The following SYT9 variants were observed in gnomAD, a reference collection of about 807,000 sequenced individuals.
SYT9 encodes the protein synaptotagmin 9, also known as synaptotagmin-9.
Under a neutral mutation model 48.4 loss-of-function variants are expected in SYT9, and 22 were observed. That is an observed-to-expected ratio of 0.45 (90% CI 0.32 to 0.65). SYT9 has a LOEUF of 0.65. SYT9 is among the 30% of genes least tolerant of loss of function. SYT9 has a pLI of 0.03. For synonymous variants in SYT9, 265 were observed against 245.0 expected (o/e 1.08, Z -0.76); for missense variants, 577 against 622.0 (o/e 0.93, Z 0.77).
intron 3 of SYT9, among the ~76,000 whole-genome samples, chr11:7,412,943 C>T (rs1847166566): frequency 6.6e-6 from 1 of 152,146 alleles, no homozygotes. Context: ...GATTTCCAAG[C>T]CCCTGGATGG....
intron 3 of SYT9, among the ~76,000 whole-genome samples, chr11:7,351,057 C>A (rs749136066): frequency 7.2e-5 from 11 of 151,982 alleles, no homozygotes; most frequent in Non-Finnish European, 1.2e-4. Flanking sequence ...TCAAAGCGGC[C>A]AGCTAATAAA....
intron 3 of SYT9, among the ~76,000 whole-genome samples, chr11:7,367,130 G>T (rs1850265701): frequency 8.1e-6 from 1 of 123,192 alleles, no homozygotes; most frequent in Non-Finnish European, 1.6e-5. Context: ...CACCCAGGCT[G>T]GAGTGCAGTG....
chr11:7,247,611 A>G (rs140812276), upstream of SYT9, among the ~76,000 whole-genome samples: 162 of 147,226 alleles, frequency 1.1e-3, no homozygotes, highest in East Asian at 6.8e-3. Flanking sequence ...ATATATACAT[A>G]TATACGTGTA....
At chr11:7,268,782 A>G (rs905296375) in intron 1 of SYT9, among the ~76,000 whole-genome samples, 1 of 152,094 alleles carries the variant, frequency 6.6e-6, no homozygotes, top group African/African-American at 2.4e-5. Context: ...AAAGTGTACA[A>G]TGGAATTATT....
chr11:7,251,224 C>G (rs2119747376), upstream of SYT9, among the ~76,000 whole-genome samples: 1 of 152,228 alleles, frequency 6.6e-6, no homozygotes, highest in East Asian at 1.9e-4. Flanking sequence ...CCTTCCAACT[C>G]TCCAAGATTC....
At chr11:7,263,222 A>C (rs945890702) in intron 1 of SYT9, among the ~76,000 whole-genome samples, 8 of 152,202 alleles carry the variant, frequency 5.3e-5, no homozygotes, top group Admixed American at 6.5e-5. Context: ...TATTTCTCAC[A>C]GTTCTGGAGG....
At chr11:7,387,308 TA>T (rs747619250) in intron 3 of SYT9, among the ~76,000 whole-genome samples, 29 of 150,030 alleles carry the variant, frequency 1.9e-4, no homozygotes, top group East Asian at 3.9e-4. Context: ...TAAAGTATAA[TA>T]AAAAAAAAGA....
intron 3 of SYT9, among the ~76,000 whole-genome samples, chr11:7,387,683 T>A (rs1850687538): frequency 6.6e-6 from 1 of 152,146 alleles, no homozygotes; most frequent in Admixed American, 6.6e-5. Flanking sequence ...ACCATTGCTG[T>A]AGTCTTGTTT....
intron 3 of SYT9, among the ~76,000 whole-genome samples, chr11:7,358,473 G>A (rs1279002454): frequency 2.0e-5 from 3 of 151,962 alleles, no homozygotes; most frequent in Non-Finnish European, 4.4e-5. Flanking sequence ...GCACTGTTAG[G>A]TCCTCCTGTA....
chr11:7,434,793 A>C (rs1847671592), intron 6 of SYT9, among the ~76,000 whole-genome samples: 1 of 152,138 alleles, frequency 6.6e-6, no homozygotes, highest in Non-Finnish European at 1.5e-5. Flanking sequence ...TGCCTATTGT[A>C]TTTATGGGTG....
intron 1 of SYT9, among the ~76,000 whole-genome samples, chr11:7,297,817 G>T (rs1225738977): frequency 2.0e-5 from 3 of 152,158 alleles, no homozygotes; most frequent in Admixed American, 2.0e-4. Flanking sequence ...TAGAATTCTA[G>T]TTTGAATGTA....
intron 2 of SYT9, among the ~76,000 whole-genome samples, chr11:7,308,067 GTCCC>G (rs1434379776): frequency 3.3e-5 from 5 of 152,298 alleles, no homozygotes; most frequent in African/African-American, 1.2e-4. Flanking sequence ...AACTGTGTCT[GTCCC>G]TATCCAGGAT....
intron 6 of SYT9, among the ~76,000 whole-genome samples, chr11:7,426,421 C>A (rs934900678): frequency 1.3e-5 from 2 of 152,174 alleles, no homozygotes; most frequent in African/African-American, 4.8e-5. Context: ...GGGAGCTTTT[C>A]TTTGCAGCCC....
chr11:7,443,572 T>G (rs1322200039), intron 6 of SYT9, among the ~76,000 whole-genome samples: 2 of 152,240 alleles, frequency 1.3e-5, no homozygotes, highest in Non-Finnish European at 1.5e-5. Context: ...CCAGCTCAGC[T>G]GAAATCAGCA....
intron 3 of SYT9, among the ~76,000 whole-genome samples, chr11:7,365,220 GATGGGGTGGGGAA>G (rs1358612477): frequency 1.3e-5 from 2 of 151,964 alleles, no homozygotes; most frequent in Non-Finnish European, 2.9e-5. Context: ...AAATCCTCAA[GATGGGGTGGGGAA>G]ATGGGAACAA....
chr11:7,378,857 G>A (rs1850503948), intron 3 of SYT9, among the ~76,000 whole-genome samples: 1 of 152,040 alleles, frequency 6.6e-6, no homozygotes, highest in African/African-American at 2.4e-5. Context: ...TCAGGATGAC[G>A]AAGATGCTGA....
chr11:7,433,401 A>G (rs1248831811), intron 6 of SYT9, among the ~76,000 whole-genome samples: 1 of 152,258 alleles, frequency 6.6e-6, no homozygotes, highest in Non-Finnish European at 1.5e-5. Flanking sequence ...ATTTTAAAAT[A>G]TGAACATTCT....
chr11:7,261,674 G>A (rs565951508), intron 1 of SYT9, among the ~76,000 whole-genome samples: 12 of 152,232 alleles, frequency 7.9e-5, no homozygotes, highest in Admixed American at 7.8e-4. Flanking sequence ...AGGTCAGAAG[G>A]AAATGTGGGA....
At chr11:7,421,869 A>G (rs1847361492) in intron 6 of SYT9, among the ~76,000 whole-genome samples, 1 of 152,216 alleles carries the variant, frequency 6.6e-6, no homozygotes, top group Non-Finnish European at 1.5e-5. Flanking sequence ...TTCCATCCAT[A>G]TAAAGTGCTA....
Sources: gnomAD v4.1 joint callset for allele counts (sites outside exome capture counted in the v4.1 genomes callset) on GRCh38, gnomAD v4.1.1 for gene constraint, MANE v1.5 for transcripts, NCBI Gene and HGNC (gene_info 2026-07-23, HGNC 2026-07-21) for gene names.